Variants in SLMAP observed in about 807,000 individuals in gnomAD.
SLMAP encodes the protein sarcolemmal membrane-associated protein.
In SLMAP, 44 loss-of-function variants were observed where a neutral mutation model predicts 128.8. The ratio of observed to expected loss-of-function variants is 0.34; its 90% CI spans 0.27 to 0.44. The LOEUF (loss-of-function observed/expected upper bound fraction) is 0.44, where lower values mean the gene tolerates loss of function less well. Among genes scored for constraint, SLMAP ranks in the 20% least tolerant of loss-of-function variants. The pLI, the probability that SLMAP is intolerant of heterozygous loss-of-function variation, is 1.00. For missense variants in SLMAP, 787 were observed against 985.3 expected, an observed-to-expected ratio of 0.80 and a Z score of 2.69; for synonymous variants, 327 against 348.8, an observed-to-expected ratio of 0.94 and a Z score of 0.70.
intron 4 of SLMAP, 101 bp from the exon 5 acceptor site, chr3:57,847,096 C>G: frequency 1.4e-6 from 1 of 705,374 alleles, no homozygotes; most frequent in Non-Finnish European, 2.5e-6. Context: ...TACATGAAGG[C>G]AAATGTATAA....
chr3:57,865,363 T>C (rs901867080), intron 13 of SLMAP, 71 bp downstream of exon 13: 23 of 638,854 alleles, frequency 3.6e-5, no homozygotes, highest in Non-Finnish European at 5.2e-5. Context: ...GGATAAGGAG[T>C]TCAGGGTTTT....
intron 2 of SLMAP, among the ~76,000 whole-genome samples, chr3:57,779,961 T>C (rs2082678468): frequency 6.6e-6 from 1 of 151,878 alleles, no homozygotes; most frequent in Non-Finnish European, 1.5e-5. Context: ...TTCATTCATA[T>C]TTATATGCTT....
intron 2 of SLMAP, among the ~76,000 whole-genome samples, chr3:57,815,967 A>G (rs2091798515): frequency 6.6e-6 from 1 of 152,228 alleles, no homozygotes; most frequent in Non-Finnish European, 1.5e-5. Flanking sequence ...TACTGTGCTA[A>G]TGCTTTATAT....
intron 22 of SLMAP, among the ~76,000 whole-genome samples, chr3:57,922,101 A>G (rs1258218021): frequency 6.6e-6 from 1 of 152,202 alleles, no homozygotes; most frequent in East Asian, 1.9e-4. Context: ...AAATTCACTT[A>G]TCCAGAACAC....
At chr3:57,802,409 CTG>C (rs2088745620) in intron 2 of SLMAP, among the ~76,000 whole-genome samples, 1 of 152,034 alleles carries the variant, frequency 6.6e-6, no homozygotes, top group African/African-American at 2.4e-5. Flanking sequence ...TCCTGAATAA[CTG>C]GGATTACAGG....
At chr3:57,849,227 C>G (rs1023105409) in intron 5 of SLMAP, among the ~76,000 whole-genome samples, 1 of 152,024 alleles carries the variant, frequency 6.6e-6, no homozygotes, top group African/African-American at 2.4e-5. Flanking sequence ...TGCCATGGTT[C>G]TATATTCTAC....
intron 8 of SLMAP, 103 bp downstream of exon 8, chr3:57,858,262 T>C (rs974749569): frequency 2.8e-6 from 2 of 707,976 alleles, no homozygotes; most frequent in African/African-American, 3.5e-5. Context: ...TTCATACATT[T>C]CCACAATTCT....
chr3:57,832,885 G>C (rs1425086494), intron 3 of SLMAP, among the ~76,000 whole-genome samples: 2 of 152,086 alleles, frequency 1.3e-5, no homozygotes, highest in African/African-American at 2.4e-5. Flanking sequence ...TTTGTATTTT[G>C]GTAAAGAATA....
At chr3:57,896,437 A>G (rs748156816) in intron 15 of SLMAP, 74 bp from the exon 16 acceptor site, 13 of 1,475,624 alleles carry the variant, frequency 8.8e-6, no homozygotes, top group East Asian at 2.6e-5. Flanking sequence ...TTGAGCATTC[A>G]TAGCCTGAAG....
chr3:57,805,521 T>G (rs948739156), intron 2 of SLMAP, among the ~76,000 whole-genome samples: 1 of 152,230 alleles, frequency 6.6e-6, no homozygotes, highest in African/African-American at 2.4e-5. Flanking sequence ...ACATAGTTTC[T>G]GTCACTGAGC....
chr3:57,881,716 A>G (rs1281802429), intron 14 of SLMAP, among the ~76,000 whole-genome samples: 1 of 152,144 alleles, frequency 6.6e-6, no homozygotes, highest in Non-Finnish European at 1.5e-5. Flanking sequence ...GGCCTCCCAA[A>G]GTGCTGGGAT....
chr3:57,865,867 C>T (rs1021206671), intron 13 of SLMAP, among the ~76,000 whole-genome samples: 4 of 152,118 alleles, frequency 2.6e-5, no homozygotes, highest in African/African-American at 4.8e-5. Flanking sequence ...TGTCACTACA[C>T]GGGGTACTTT....
chr3:57,838,160 T>C (rs771448657), intron 3 of SLMAP, among the ~76,000 whole-genome samples: 2 of 152,250 alleles, frequency 1.3e-5, no homozygotes, highest in South Asian at 4.1e-4. Context: ...TATTTTTCTT[T>C]TTTAAAAAAA....
At chr3:57,919,363 A>G (rs2096872350) in intron 22 of SLMAP, among the ~76,000 whole-genome samples, 1 of 151,998 alleles carries the variant, frequency 6.6e-6, no homozygotes, top group South Asian at 2.1e-4. Context: ...CCTGGGCAAC[A>G]AGAGCAAAAC....
chr3:57,766,914 A>G (rs1280435368), intron 2 of SLMAP, among the ~76,000 whole-genome samples: 1 of 151,314 alleles, frequency 6.6e-6, no homozygotes, highest in Non-Finnish European at 1.5e-5. Context: ...CTTTTTTTTA[A>G]ATTTATTTTT....
chr3:57,823,376 C>T (rs1444694061), intron 2 of SLMAP, among the ~76,000 whole-genome samples: 2 of 152,116 alleles, frequency 1.3e-5, no homozygotes, highest in Admixed American at 1.3e-4. Flanking sequence ...CCTCCTCCCA[C>T]CACCCTACAA....
chr3:57,821,828 CTT>C (rs970883172), intron 2 of SLMAP, among the ~76,000 whole-genome samples: 1 of 152,108 alleles, frequency 6.6e-6, no homozygotes, highest in African/African-American at 2.4e-5. Context: ...ACAGCTGTAT[CTT>C]GCATTTTTCC....
intron 2 of SLMAP, among the ~76,000 whole-genome samples, chr3:57,763,331 A>G (rs1177131504): frequency 2.7e-5 from 4 of 149,652 alleles, no homozygotes; most frequent in African/African-American, 9.9e-5. Context: ...CTGGAGTGCA[A>G]TGGTGTGATC....
chr3:57,805,796 A>G (rs974263817), intron 2 of SLMAP, among the ~76,000 whole-genome samples: 4 of 152,118 alleles, frequency 2.6e-5, no homozygotes, highest in South Asian at 2.1e-4. Context: ...TCTCAGTCTC[A>G]TACATCACAT....
Sources: allele counts gnomAD v4.1 joint callset (sites outside exome capture counted in the v4.1 genomes callset), GRCh38; gene constraint gnomAD v4.1.1; transcripts MANE v1.5; gene names NCBI Gene and HGNC (gene_info 2026-07-23, HGNC 2026-07-21).